The following CELSR1 variants were observed in gnomAD, a reference collection of about 807,000 sequenced individuals.
The protein encoded by CELSR1 is adhesion G protein-coupled receptor C1.
CELSR1 carries 110 observed loss-of-function variants against 249.1 expected under a neutral mutation model. That is an observed-to-expected ratio of 0.44 (90% confidence interval 0.38 to 0.52). The LOEUF (loss-of-function observed/expected upper bound fraction) is 0.52. CELSR1 is among the 20% of genes least tolerant of loss of function. The probability of loss-of-function intolerance (pLI) is 0.00; values close to 1 mark genes in which losing one functional copy is unlikely to be tolerated. For missense variants in CELSR1, 4,109 were observed against 4,296.4 expected, an observed-to-expected ratio of 0.96 and a Z score of 1.22; for synonymous variants, 2,113 against 1,900.0, an observed-to-expected ratio of 1.11 and a Z score of -2.92.
Position 46,429,974 on chromosome 22 carries a change from CCAT to C in CELSR1, c.4611+3416_4611+3418del, listed in dbSNP as rs2147416358. On this transcript the variant is annotated intron_variant, in intron 5 of 34. Transcript: ENST00000674500. The surrounding 1 kb of genome is among the most constrained non-coding windows in gnomAD (Gnocchi z 4.1). Reference sequence around the variant, plus strand: ...CCAGGGCTGGTCCCACTGGAGCACCCCATCTGCTTCCTGTGGGGACCCTGACTG... The same window carrying C: ...CCAGGGCTGGTCCCACTGGAGCACCCCTGCTTCCTGTGGGGACCCTGACTG... Among the ~76,000 whole-genome samples the C allele has an allele frequency of 6.6e-6, 1 of 152,348 alleles. No individual in the cohort carries two copies. The highest frequency in any genetic ancestry group is 1.5e-5 in the Non-Finnish European group (1 of 68,030).
Position 46,380,092 on chromosome 22 carries a change from G to A in CELSR1, c.7256+696C>T, listed in dbSNP as rs1266740974. ...AAAGCACAAACACTACTGGCTCCCA[G>A]CAGACGGGAGCCACACTGTGGTGCT... On this transcript the variant is annotated intron_variant, in intron 22 of 34. Transcript: ENST00000674500. The surrounding 1 kb of genome is among the most constrained non-coding windows in gnomAD (Gnocchi z 5.1). 1.3e-5 allele frequency among the ~76,000 whole-genome samples: 2 copies of A among 152,360 alleles called. No individual in the cohort carries two copies. Among genetic ancestry groups the A allele is most frequent in the East Asian group, 3.9e-4 (2 of 5,182 alleles).
rs547232377 is a variant in CELSR1, at chr22:46,390,200, G to A, written c.6345+192C>T. ...AGAGAAGTCCACGTGGGGGTGCCTG[G>A]CTCAGGTGCCAACACCCCGAAGTCC... On this transcript the variant is annotated intron_variant, in intron 17 of 34. Coordinates refer to ENST00000674500, the MANE Select transcript of CELSR1 (RefSeq NM_001378328.1). The surrounding 1 kb of genome is among the most constrained non-coding windows in gnomAD (Gnocchi z 6.3). Among the ~76,000 whole-genome samples, 23 of 152,310 alleles carry A rather than the reference G, an allele frequency of 1.5e-4. No homozygotes were observed. The highest frequency in any genetic ancestry group is 5.1e-4 in the African/African-American group (21 of 41,570).
intron 19 of CELSR1, 52 bp downstream of exon 19, chr22:46,386,350 G>T: frequency 6.9e-7 from 1 of 1,454,040 alleles, no homozygotes; most frequent in Non-Finnish European, 9.1e-7. Context: ...TAGCTCTGGG[G>T]CACACCCCTG....
In CELSR1 at chr22:46,536,599, G is replaced by A. The variant is rs2080859546; in HGVS notation, c.572C>T (p.Ala191Val). 2 of 1,184,338 alleles carry A rather than the reference G, an allele frequency of 1.7e-6. No individual in the cohort carries two copies. Among genetic ancestry groups the A allele is most frequent in the Admixed American group, 4.6e-5 (1 of 21,570 alleles). The allele number at this position is 1,184,338 out of a possible 1,614,324, so 73.4% of individuals were successfully genotyped here. A position where few individuals can be genotyped will look rare whatever the true frequency, so the allele number is the denominator to read the frequency against. The change falls in exon 1 of 35, where the codon GCT (alanine) becomes GTT (valine). Residue 191 changes from alanine (A) to valine (V), a missense_variant. Ala to Val is a moderately conservative substitution (Grantham distance 64). Transcript: ENST00000674500. ...CGCCAGTCCCACCCGGACGGCGCCA[G>A]CCGCGCGCCGCAGGGCGCACAGCAG... ...LRLLCALRRA[A>V]GAVRVGLALE...
In CELSR1 at chr22:46,382,051, C is replaced by G. The variant is rs990272588; in HGVS notation, c.6884-1G>C. The G allele has an allele frequency of 2.0e-6, 3 of 1,530,060 alleles. No homozygotes were observed. Among genetic ancestry groups the G allele is most frequent in the Admixed American group, 2.0e-5 (1 of 49,928 alleles). The allele number at this position is 1,530,060 out of a possible 1,614,324, so 94.8% of individuals were successfully genotyped here. ...CCAGCCGGCCTCAGCAGGGGGCCTT[C>G]TGCAATGTGAGCAGAAGGTGAGGAC... On this transcript the variant is annotated splice_acceptor_variant, in intron 20 of 34. Coordinates refer to ENST00000674500, the MANE Select transcript of CELSR1 (RefSeq NM_001378328.1). LOFTEE classifies it high-confidence loss of function.
At chr22:46,365,472 C>A in intron 31 of CELSR1, 92 bp from the exon 32 acceptor site, 1 of 1,565,616 alleles carries the variant, frequency 6.4e-7, no homozygotes, top group Non-Finnish European at 8.7e-7. Flanking sequence ...CCCTGGCATG[C>A]TGACGCTGAG....
intron 1 of CELSR1, among the ~76,000 whole-genome samples, chr22:46,530,839 G>C (rs1283903635): frequency 6.6e-6 from 1 of 152,212 alleles, no homozygotes; most frequent in East Asian, 1.9e-4. Context: ...TCTGCTGAAA[G>C]CTGGCAGCCC....
chr22:46,435,991 G>A (rs915806567), intron 4 of CELSR1, among the ~76,000 whole-genome samples, 183 bp downstream of exon 4: 5 of 152,288 alleles, frequency 3.3e-5, no homozygotes, highest in Admixed American at 6.5e-5. Context: ...GAGCCACCAC[G>A]CCCGGCCTGT....
chr22:46,461,681 G>C (rs548991354), intron 2 of CELSR1, among the ~76,000 whole-genome samples: 1 of 152,272 alleles, frequency 6.6e-6, no homozygotes, highest in African/African-American at 2.4e-5. Context: ...AGGTCTGGCT[G>C]TGTGCGCTGG....
In CELSR1 at chr22:46,537,485, C is replaced by G. The variant is rs1046324442; in HGVS notation, c.-315G>C. Among the ~76,000 whole-genome samples, 1 of 149,270 alleles carries G rather than the reference C, an allele frequency of 6.7e-6. No homozygotes were observed. Among genetic ancestry groups the G allele is most frequent in the Admixed American group, 6.7e-5 (1 of 15,024 alleles). ...GGCTCCAGGCGGCTCCAGGTGGCTC[C>G]GGCGCGGGCTCGGCCGGACGGGCGT... On this transcript the variant is annotated 5_prime_UTR_variant, in exon 1 of 35. Transcript: ENST00000674500. This position sits in a 1 kb window ranked among gnomAD's most constrained non-coding sequence, Gnocchi z 5.8.
At position 46,398,675 on chromosome 22, in the gene CELSR1, T is replaced by A. The variant is rs1198356703; in HGVS notation, c.5413-38A>T. 6.6e-7 allele frequency: 1 copy of A among 1,515,976 alleles called. No individual in the cohort carries two copies. 93.9% of individuals were successfully genotyped at this position (1,515,976 alleles called of 1,614,324 possible). ...AGGGGCCGGGGATCTGGGGGCTGCATCCACCATCCTAGAAACGTCTCTCAG... is the reference window on the plus strand; with the variant it reads ...AGGGGCCGGGGATCTGGGGGCTGCAACCACCATCCTAGAAACGTCTCTCAG... On this transcript the variant is annotated intron_variant, in intron 10 of 34. Transcript: ENST00000674500. The surrounding 1 kb of genome is among the most constrained non-coding windows in gnomAD (Gnocchi z 7.2).
At chr22:46,424,424 G>T (rs140045) in intron 5 of CELSR1, among the ~76,000 whole-genome samples, 101,133 of 151,916 alleles carry the variant, frequency 0.67, 34,283 homozygotes, top group South Asian at 0.74. Context: ...CAATTTTAGA[G>T]GTACATGCAA....
intron 23 of CELSR1, 43 bp downstream of exon 23, chr22:46,378,548 G>T: frequency 6.5e-7 from 1 of 1,530,264 alleles, no homozygotes. Flanking sequence ...GGCAGGTTTG[G>T]CGGTAGGCCC....
In CELSR1 at chr22:46,484,059, C is replaced by T. The variant is rs558091415; in HGVS notation, c.3545-19714G>A. On this transcript the variant is annotated intron_variant, in intron 1 of 34. Coordinates refer to ENST00000674500, the MANE Select transcript of CELSR1 (RefSeq NM_001378328.1). This position sits in a 1 kb window ranked among gnomAD's most constrained non-coding sequence, Gnocchi z 4.5. Reference sequence around the variant, plus strand: ...CGGAGCACAGAACATTCCCAGGCTCCCACGGGCTCCCACGCTCTGCCCTGG... The same window carrying T: ...CGGAGCACAGAACATTCCCAGGCTCTCACGGGCTCCCACGCTCTGCCCTGG... Among the ~76,000 whole-genome samples the T allele has an allele frequency of 2.0e-5, 3 of 152,326 alleles. No individual in the cohort carries two copies. The East Asian group carries it at 5.8e-4, about 29-fold the overall frequency.
chr22:46,406,244 A>G lies in CELSR1; in HGVS notation c.5226+2752T>C, dbSNP rs1229670418. Among the ~76,000 whole-genome samples, 1 of 152,220 alleles carries G rather than the reference A, an allele frequency of 6.6e-6. No individual in the cohort carries two copies. The highest frequency in any genetic ancestry group is 1.5e-5 in the Non-Finnish European group (1 of 68,044). ...ACAGAAAATACCATCCCCAGGCAGC[A>G]CCGCACTTGCCAAGTTTTGGCCTGG... is the stretch of plus-strand genomic sequence containing the variant. On this transcript the variant is annotated intron_variant, in intron 9 of 34. Transcript: ENST00000674500. The surrounding 1 kb of genome is among the most constrained non-coding windows in gnomAD (Gnocchi z 5.4).
intron 25 of CELSR1, 199 bp from the exon 26 acceptor site, chr22:46,370,003 G>A (rs972058711): frequency 3.0e-6 from 2 of 656,928 alleles, no homozygotes; most frequent in African/African-American, 3.6e-5. Context: ...CACTGGCCCA[G>A]GTGGCAGGAG....
At chr22:46,385,836 A>C (rs911217641) in intron 19 of CELSR1, among the ~76,000 whole-genome samples, 7 of 150,870 alleles carry the variant, frequency 4.6e-5, no homozygotes, top group Admixed American at 1.3e-4. Context: ...CACCACCACG[A>C]CCGGCTACTT....
Position 46,366,370 on chromosome 22 carries a change from G to A in CELSR1, c.8300+16C>T, listed in dbSNP as rs373749197. ...GTTCGAGAGCCACCTCCCCGAACCC[G>A]GAGCTGCGGCCTGACCTGACGATGC... is the stretch of plus-strand genomic sequence containing the variant. On this transcript the variant is annotated intron_variant, in intron 30 of 34. Transcript: ENST00000674500. 5.0e-5 allele frequency: 77 copies of A among 1,541,686 alleles called. No homozygotes were observed. The African/African-American group carries it at 8.4e-4, about 17-fold the overall frequency.
Position 46,533,693 on chromosome 22 carries a change from G to C in CELSR1, c.3478C>G (p.Leu1160Val). 2 of 1,610,972 alleles carry C rather than the reference G, an allele frequency of 1.2e-6. No individual in the cohort carries two copies. The highest frequency in any genetic ancestry group is 2.7e-5 in the African/African-American group (2 of 75,060). ...LLLLDPATGELQLSRDLDNNR... is the reference protein window; with the variant it reads ...LLLLDPATGEVQLSRDLDNNR... ...TTGTCCAGGTCGCGGCTGAGCTGCA[G>C]TTCGCCCGTGGCGGGGTCCAGCAGC... is the stretch of plus-strand genomic sequence containing the variant. The change falls in exon 1 of 35, where the codon CTG becomes GTG. Residue 1160 changes from leucine to valine, a missense_variant. Coordinates refer to ENST00000674500, the MANE Select transcript of CELSR1 (RefSeq NM_001378328.1).
Sources: gnomAD v4.1 joint callset for allele counts (sites outside exome capture counted in the v4.1 genomes callset) on GRCh38, gnomAD v4.1.1 for gene constraint, Gnocchi (gnomAD v3.1) non-coding constraint, MANE v1.5 for transcripts, NCBI Gene and HGNC (gene_info 2026-07-23, HGNC 2026-07-21) for gene names.